Variants in FAM53B observed in about 807,000 individuals in gnomAD.
FAM53B encodes protein FAM53B.
Under a neutral mutation model 32.7 loss-of-function variants are expected in FAM53B, and 12 were observed. That is an observed-to-expected ratio of 0.37 (90% confidence interval 0.24 to 0.59). FAM53B has a LOEUF of 0.59. Ranked by LOEUF, FAM53B falls within the 20% of genes least tolerant of loss-of-function variation. The pLI is 0.72. For synonymous variants in FAM53B, 234 were observed against 228.7 expected, an observed-to-expected ratio of 1.02 and a Z score of -0.21; for missense variants, 477 against 577.7, an observed-to-expected ratio of 0.83 and a Z score of 1.79.
At chr10:124,679,639 C>T (rs991664140) in intron 4 of FAM53B, among the ~76,000 whole-genome samples, 3 of 152,232 alleles carry the variant, frequency 2.0e-5, no homozygotes, top group Middle Eastern at 3.2e-3. Flanking sequence ...CACACACTTT[C>T]CAGAGGCCCC....
rs79938473 is a variant in FAM53B, at chr10:124,661,440, G to A, written c.906+20167C>T. 3.7e-4 allele frequency among the ~76,000 whole-genome samples: 56 copies of A among 152,326 alleles called. 1 individual carries two copies. The East Asian group carries it at 0.011, about 29-fold the overall frequency. Reference sequence around the variant, plus strand: ...CTGCAGAGGAAAAAGGCAGAGTCTAGCTCTCCTTGTAAGCCAGGCCTCCTG... The same window carrying A: ...CTGCAGAGGAAAAAGGCAGAGTCTAACTCTCCTTGTAAGCCAGGCCTCCTG... On this transcript the variant is annotated intron_variant, in intron 4 of 4. Coordinates refer to ENST00000337318, the MANE Select transcript of FAM53B (RefSeq NM_014661.4).
chr10:124,645,941 G>A (rs1481066664), intron 4 of FAM53B, among the ~76,000 whole-genome samples: 1 of 152,172 alleles, frequency 6.6e-6, no homozygotes, highest in Non-Finnish European at 1.5e-5. Flanking sequence ...AGCTGAGTGG[G>A]CACCGAGAAG....
In FAM53B at chr10:124,682,162, C is replaced by T; in HGVS notation, c.351G>A (p.Leu117=). The T allele has an allele frequency of 6.2e-7, 1 of 1,613,578 alleles. No individual in the cohort carries two copies. The highest frequency in any genetic ancestry group is 8.5e-7 in the Non-Finnish European group (1 of 1,179,836). ...APPSKRQCRS[L]SFSDEMSSCR... ...AACTGGACATCTCATCGGAGAAGGACAGTGAGCGGCACTGGCGCTTGCTAG... is the reference window on the plus strand; with the variant it reads ...AACTGGACATCTCATCGGAGAAGGATAGTGAGCGGCACTGGCGCTTGCTAG... The change falls in exon 4 of 5, where the codon CTG becomes CTA. Residue 117 remains leucine, a synonymous_variant. Transcript: ENST00000337318. This position sits in a 1 kb window ranked among gnomAD's most constrained non-coding sequence, Gnocchi z 5.2.
intron 4 of FAM53B, among the ~76,000 whole-genome samples, chr10:124,675,332 G>A (rs868851327): frequency 6.1e-4 from 93 of 152,234 alleles, no homozygotes; most frequent in African/African-American, 2.2e-3. Flanking sequence ...CTAGTCTCCT[G>A]GAAGCCTGAT....
chr10:124,719,948 A>T (rs1379263500), intron 1 of FAM53B, among the ~76,000 whole-genome samples: 1 of 152,190 alleles, frequency 6.6e-6, no homozygotes, highest in East Asian at 1.9e-4. Flanking sequence ...AGATCACCTG[A>T]GGTAAGGAGT....
chr10:124,731,294 C>T (rs1353890430), intron 1 of FAM53B, among the ~76,000 whole-genome samples: 7 of 152,238 alleles, frequency 4.6e-5, no homozygotes, highest in Admixed American at 3.9e-4. Context: ...TTTATTCCTC[C>T]TGCTCTGTTA....
intron 1 of FAM53B, among the ~76,000 whole-genome samples, chr10:124,732,580 C>T (rs1950151017): frequency 6.6e-6 from 1 of 152,112 alleles, no homozygotes; most frequent in Admixed American, 6.5e-5. Context: ...GTTTTTTGGC[C>T]AGGGGCAGTG....
chr10:124,711,816 T>C (rs77780254), intron 1 of FAM53B, among the ~76,000 whole-genome samples: 7,748 of 151,838 alleles, frequency 0.051, 247 homozygotes, highest in East Asian at 0.12. Flanking sequence ...ATTTGAGAGG[T>C]TGAGGCAAAA....
chr10:124,671,059 A>T (rs1949704747), intron 4 of FAM53B: 1 of 427,764 alleles, frequency 2.3e-6, no homozygotes, highest in Non-Finnish European at 4.9e-6. Context: ...CGCTTAACTG[A>T]AGGATGCTGA....
intron 4 of FAM53B, among the ~76,000 whole-genome samples, chr10:124,650,196 T>TCC (rs1009852738): frequency 6.6e-6 from 1 of 152,166 alleles, no homozygotes; most frequent in Non-Finnish European, 1.5e-5. Context: ...TGTGCCCTGC[T>TCC]CCCAGAGTAA....
intron 4 of FAM53B, among the ~76,000 whole-genome samples, chr10:124,675,177 G>C (rs1445483564): frequency 6.6e-6 from 1 of 152,192 alleles, no homozygotes; most frequent in Non-Finnish European, 1.5e-5. Context: ...ACAGAAAGGA[G>C]GGATCCAGGC....
chr10:124,697,012 A>G (rs1949877548), intron 2 of FAM53B, among the ~76,000 whole-genome samples: 1 of 152,064 alleles, frequency 6.6e-6, no homozygotes, highest in Non-Finnish European at 1.5e-5. Flanking sequence ...CCATGGCTAC[A>G]CAGTAAGCTG....
In FAM53B at chr10:124,660,822, G is replaced by A. The variant is rs181001737; in HGVS notation, c.906+20785C>T. ...TATCGGGCTCTGTCATAATGACCCAGCCCTGCCACTACACAACCCTGCCGT... is the reference window on the plus strand; with the variant it reads ...TATCGGGCTCTGTCATAATGACCCAACCCTGCCACTACACAACCCTGCCGT... On this transcript the variant is annotated intron_variant, in intron 4 of 4. Transcript: ENST00000337318. 2.6e-5 allele frequency among the ~76,000 whole-genome samples: 4 copies of A among 151,940 alleles called. No individual in the cohort carries two copies. The East Asian group carries it at 7.7e-4, about 29-fold the overall frequency.
chr10:124,681,259 A>G (rs953794262), intron 4 of FAM53B, among the ~76,000 whole-genome samples: 16 of 152,264 alleles, frequency 1.1e-4, no homozygotes, highest in African/African-American at 3.9e-4. Flanking sequence ...CAGCAGCTGC[A>G]GGGGTGGCTT....
At chr10:124,650,352 G>A (rs1431188005) in intron 4 of FAM53B, among the ~76,000 whole-genome samples, 3 of 152,262 alleles carry the variant, frequency 2.0e-5, no homozygotes, top group East Asian at 3.9e-4. Context: ...TCTTCTAAGC[G>A]TTCCAGTTGG....
chr10:124,641,876 G>A (rs1424673215), intron 4 of FAM53B, among the ~76,000 whole-genome samples: 31 of 152,196 alleles, frequency 2.0e-4, no homozygotes, highest in Admixed American at 6.5e-4. Context: ...TTGGCACACC[G>A]CGACTCGCTG....
chr10:124,681,745 C>A lies in FAM53B; in HGVS notation c.768G>T (p.Leu256=). Residue 256 remains leucine, a synonymous_variant, in exon 4 of 5, where the codon CTG becomes CTT. Coordinates refer to ENST00000337318, the MANE Select transcript of FAM53B (RefSeq NM_014661.4). Reference sequence around the variant, plus strand: ...GGGAAAGGCCGCTGGAGCGTCTCGCCAGCTCTGGTGTTGAGGCAGGTGTGC... The same window carrying A: ...GGGAAAGGCCGCTGGAGCGTCTCGCAAGCTCTGGTGTTGAGGCAGGTGTGC... ...ANSTPASTPE[L]ARRSSGLSRS... is the part of the protein sequence containing the mutation. 6.2e-7 allele frequency: 1 copy of A among 1,610,040 alleles called. No individual in the cohort carries two copies. The highest frequency in any genetic ancestry group is 8.5e-7 in the Non-Finnish European group (1 of 1,178,286).
intron 4 of FAM53B, among the ~76,000 whole-genome samples, chr10:124,670,299 CG>C (rs947318133): frequency 6.6e-6 from 1 of 152,130 alleles, no homozygotes; most frequent in African/African-American, 2.4e-5. Flanking sequence ...CTCCTTGAAC[CG>C]GTTTCCCTGG....
intron 4 of FAM53B, among the ~76,000 whole-genome samples, chr10:124,644,429 C>T (rs1949498172): frequency 6.6e-6 from 1 of 152,200 alleles, no homozygotes. Flanking sequence ...CTGCTCACTG[C>T]CCGCCCTCCT....
Sources: gnomAD v4.1 joint callset for allele counts (sites outside exome capture counted in the v4.1 genomes callset) on GRCh38, gnomAD v4.1.1 for gene constraint, Gnocchi (gnomAD v3.1) non-coding constraint, MANE v1.5 for transcripts, NCBI Gene and HGNC (gene_info 2026-07-23, HGNC 2026-07-21) for gene names.